Variants in GK observed in about 807,000 individuals in gnomAD.
GK encodes the protein glycerol kinase.
In GK, 9 loss-of-function variants were observed where a neutral mutation model predicts 56.4. The observed-to-expected ratio is 0.16, with a 90% confidence interval of 0.10 to 0.28. GK has a LOEUF of 0.28. GK is among the 10% of genes least tolerant of loss of function. The probability of loss-of-function intolerance (pLI) is 1.00; values close to 1 mark genes in which losing one functional copy is unlikely to be tolerated. For synonymous variants in GK, 104 were observed against 144.1 expected, an observed-to-expected ratio of 0.72 and a Z score of 1.99; for missense variants, 161 against 431.4, an observed-to-expected ratio of 0.37 and a Z score of 5.55.
At chrX:30,662,876 TTTCTTTC>T in intron 1 of GK, among the ~76,000 whole-genome samples, 2 of 89,287 alleles carry the variant, frequency 2.2e-5, no homozygotes, top group South Asian at 5.7e-4. Context: ...TTTCTCTTTC[TTTCTTTC>T]TTTCTTTCTT....
intron 4 of GK, among the ~76,000 whole-genome samples, chrX:30,690,095 T>C (rs766602939): frequency 5.6e-4 from 63 of 111,904 alleles, no homozygotes; most frequent in Non-Finnish European, 9.4e-4. Flanking sequence ...AGGAAATAAC[T>C]GCTTTTTAGT....
chrX:30,708,000 C>T (rs754195708), intron 12 of GK, 54 bp from the exon 13 acceptor site: 6 of 739,637 alleles, frequency 8.1e-6, no homozygotes, highest in Non-Finnish European at 1.3e-5. Flanking sequence ...AAAAAGTTCT[C>T]ATGTTATCTT....
At chrX:30,660,957 T>C (rs1480112202) in intron 1 of GK, among the ~76,000 whole-genome samples, 1 of 108,846 alleles carries the variant, frequency 9.2e-6, no homozygotes, top group Non-Finnish European at 1.9e-5. Flanking sequence ...GGATTACAGG[T>C]GCGTGCCACC....
At chrX:30,686,969 C>T (rs111762766) in intron 4 of GK, among the ~76,000 whole-genome samples, 5,918 of 110,885 alleles carry the variant, frequency 0.053, 175 homozygotes, top group Non-Finnish European at 0.078. Context: ...TGGAAGTTAG[C>T]AATCCCCTGT....
intron 13 of GK, among the ~76,000 whole-genome samples, chrX:30,708,659 T>C (rs1354133925): frequency 8.9e-6 from 1 of 111,924 alleles, no homozygotes; most frequent in Non-Finnish European, 1.9e-5. Flanking sequence ...TTTTTGTATG[T>C]TATAGTAGGA....
chrX:30,663,165 G>T (rs1016556245), intron 1 of GK, among the ~76,000 whole-genome samples: 1 of 110,750 alleles, frequency 9.0e-6, no homozygotes, highest in South Asian at 3.8e-4. Flanking sequence ...GTCAGCCACC[G>T]CGCCCGGCCA....
chrX:30,661,424 G>A (rs1245911473), intron 1 of GK, among the ~76,000 whole-genome samples: 1 of 110,337 alleles, frequency 9.1e-6, no homozygotes, highest in Non-Finnish European at 1.9e-5. Context: ...CCCTCCTAGT[G>A]GAGGCCTCTG....
At chrX:30,679,246 GAC>G (rs1426065942) in intron 4 of GK, among the ~76,000 whole-genome samples, 2 of 101,730 alleles carry the variant, frequency 2.0e-5, no homozygotes, top group Non-Finnish European at 4.0e-5. Flanking sequence ...CTTTTTTTGA[GAC>G]AGAGTCTTCT....
At chrX:30,683,225 T>C (rs142838104) in intron 4 of GK, among the ~76,000 whole-genome samples, 2 of 110,763 alleles carry the variant, frequency 1.8e-5, no homozygotes, top group East Asian at 5.6e-4. Context: ...TATATAAATA[T>C]ATATATTTTA....
chrX:30,692,724 T>G (rs1935022803), intron 5 of GK, among the ~76,000 whole-genome samples: 1 of 110,733 alleles, frequency 9.0e-6, no homozygotes, highest in African/African-American at 3.3e-5. Flanking sequence ...CCTCCCAAAA[T>G]GCTGGGTTTA....
At chrX:30,713,361 G>C (rs927616838) in intron 13 of GK, among the ~76,000 whole-genome samples, 14 of 111,794 alleles carry the variant, frequency 1.3e-4, no homozygotes, top group Non-Finnish European at 1.9e-4. Flanking sequence ...ATGTGTTTCC[G>C]TGTCTGTCCA....
At chrX:30,709,842 C>G (rs543832726) in intron 13 of GK, among the ~76,000 whole-genome samples, 2 of 111,388 alleles carry the variant, frequency 1.8e-5, no homozygotes, top group African/African-American at 6.5e-5. Context: ...CAAGTCTGCT[C>G]TGTTCTGTAT....
intron 4 of GK, 56 bp downstream of exon 4, chrX:30,677,508 G>GAA: frequency 4.3e-6 from 3 of 696,079 alleles, no homozygotes; most frequent in Non-Finnish European, 7.1e-6. Context: ...TTGCAAATGT[G>GAA]GTCATATTAA....
chrX:30,669,985 C>T (rs1291935200), intron 3 of GK, among the ~76,000 whole-genome samples: 2 of 112,346 alleles, frequency 1.8e-5, no homozygotes, highest in African/African-American at 6.5e-5. Flanking sequence ...TTATTAACAA[C>T]TTTTAATACT....
Position 30,677,316 on chromosome X carries a change from G to A in GK, c.260-59G>A, listed in dbSNP as rs1166916904. ...CTAGTAAGATGAGAGCTGTTTTCCTGAAGTAGTTTCCTACTTGTTAAATTT... is the reference window on the plus strand; with the variant it reads ...CTAGTAAGATGAGAGCTGTTTTCCTAAAGTAGTTTCCTACTTGTTAAATTT... On this transcript the variant is annotated intron_variant, in intron 3 of 20. Coordinates refer to ENST00000427190, the MANE Select transcript of GK (RefSeq NM_001205019.2). 8.0e-6 allele frequency: 5 copies of A among 622,013 alleles called. No individual in the cohort carries two copies. In the African/African-American group the frequency reaches 8.7e-5, roughly 11 times the overall value. 51.3% of individuals were successfully genotyped at this position (622,013 alleles called of 1,213,427 possible).
intron 10 of GK, 79 bp from the exon 11 acceptor site, chrX:30,700,759 A>AGAAT (rs1935607080): frequency 1.4e-6 from 1 of 692,118 alleles, no homozygotes; most frequent in African/African-American, 2.2e-5. Context: ...TAAAAAATGA[A>AGAAT]AAATCCTATG....
chrX:30,662,838 T>TTTCC (rs1932819564), intron 1 of GK, among the ~76,000 whole-genome samples: 3 of 543 alleles, frequency 5.5e-3, no homozygotes, highest in African/African-American at 9.2e-3. Flanking sequence ...TCTCTCTTTC[T>TTTCC]TTCTTTCTTT....
intron 2 of GK, among the ~76,000 whole-genome samples, chrX:30,667,580 C>A (rs1004881068): frequency 2.7e-5 from 3 of 111,939 alleles, no homozygotes; most frequent in African/African-American, 9.7e-5. Flanking sequence ...TTCAGAATTC[C>A]TTTTGCTTCC....
At chrX:30,664,153 T>C (rs1456814462) in intron 1 of GK, among the ~76,000 whole-genome samples, 11 of 90,985 alleles carry the variant, frequency 1.2e-4, no homozygotes, top group African/African-American at 2.9e-4. Context: ...AGATATATAT[T>C]TTATATAGAT....
Sources: gnomAD v4.1 joint callset for allele counts (sites outside exome capture counted in the v4.1 genomes callset) on GRCh38, gnomAD v4.1.1 for gene constraint, MANE v1.5 for transcripts, NCBI Gene and HGNC (gene_info 2026-07-23, HGNC 2026-07-21) for gene names.